The following KCNQ2 variants were observed in gnomAD, a reference collection of about 807,000 sequenced individuals.
KCNQ2 encodes potassium voltage-gated channel subfamily Q member 2.
A neutral mutation model predicts 84.8 loss-of-function variants in KCNQ2; 14 were observed. That is an observed-to-expected ratio of 0.17 (90% confidence interval 0.11 to 0.26). The LOEUF is 0.26. Ranked by LOEUF, KCNQ2 falls within the 10% of genes least tolerant of loss-of-function variation. The pLI, the probability that KCNQ2 is intolerant of heterozygous loss-of-function variation, is 1.00. For missense variants in KCNQ2, 788 were observed against 1,254.0 expected, an observed-to-expected ratio of 0.63 and a Z score of 5.61; for synonymous variants, 599 against 554.1, an observed-to-expected ratio of 1.08 and a Z score of -1.14.
In KCNQ2 at chr20:63,438,512, G is replaced by C; in HGVS notation, c.1023+113C>G. 1 of 855,778 alleles carries C rather than the reference G, an allele frequency of 1.2e-6. No homozygotes were observed. The highest frequency in any genetic ancestry group is 2.0e-6 in the Non-Finnish European group (1 of 503,432). 53.0% of individuals were successfully genotyped at this position (855,778 alleles called of 1,614,324 possible). A position where few individuals can be genotyped will look rare whatever the true frequency, so the allele number is the denominator to read the frequency against. ...CCACAGATTCCTGCAGAGGGTGAGC[G>C]CTGTGGCCCATCCACAGACAGGGCA... On this transcript the variant is annotated intron_variant, in intron 7 of 16. Transcript: ENST00000359125. This position sits in a 1 kb window ranked among gnomAD's most constrained non-coding sequence, Gnocchi z 5.1.
chr20:63,457,778 G>A (rs1038475862), intron 1 of KCNQ2, among the ~76,000 whole-genome samples: 14 of 152,326 alleles, frequency 9.2e-5, no homozygotes, highest in South Asian at 2.1e-4. Context: ...CCTTCGCCCC[G>A]GCCCAGAAAG....
At chr20:63,420,922 C>T (rs942430093) in intron 11 of KCNQ2, among the ~76,000 whole-genome samples, 9 of 152,288 alleles carry the variant, frequency 5.9e-5, no homozygotes, top group Admixed American at 2.6e-4. Context: ...AGGAGGGAGC[C>T]GGCTCCCTGC....
At chr20:63,412,626 C>T (rs974384361) in intron 15 of KCNQ2, among the ~76,000 whole-genome samples, 4 of 152,208 alleles carry the variant, frequency 2.6e-5, no homozygotes, top group Non-Finnish European at 5.9e-5. Context: ...GAGCTTCACT[C>T]CCACTGGAGG....
At chr20:63,437,398 T>C (rs960104877) in intron 7 of KCNQ2, 7 of 152,252 alleles carry the variant, frequency 4.6e-5, no homozygotes, top group African/African-American at 1.7e-4. Context: ...TTCTTAAAAC[T>C]CTTGCCTGGA....
chr20:63,442,734 C>T (rs1178591012), intron 4 of KCNQ2, among the ~76,000 whole-genome samples: 26 of 20,016 alleles, frequency 1.3e-3, no homozygotes, highest in South Asian at 3.7e-3. Flanking sequence ...ATCATCACCA[C>T]CTCCACCATC....
intron 12 of KCNQ2, among the ~76,000 whole-genome samples, chr20:63,416,647 A>G (rs933733921): frequency 6.6e-6 from 1 of 152,144 alleles, no homozygotes; most frequent in Non-Finnish European, 1.5e-5. Flanking sequence ...GAGGAAGCCC[A>G]GTGCCTCACG....
In KCNQ2 at chr20:63,472,613, G is replaced by A. The variant is rs554261385; in HGVS notation, c.-150C>T. On this transcript the variant is annotated 5_prime_UTR_variant, in exon 1 of 17. Transcript: ENST00000359125. ...CTCCTGCCGGGCTTGGGCCGCGCGC[G>A]GAGACGCTGCGGCCACCTCGCTCCG... is the stretch of plus-strand genomic sequence containing the variant. 7 of 517,242 alleles carry A rather than the reference G, an allele frequency of 1.4e-5. No individual in the cohort carries two copies. The highest frequency in any genetic ancestry group is 1.3e-4 in the African/African-American group (6 of 46,618). 32.0% of individuals were successfully genotyped at this position (517,242 alleles called of 1,614,324 possible). A position where few individuals can be genotyped will look rare whatever the true frequency, so the allele number is the denominator to read the frequency against.
At position 63,407,465 on chromosome 20, in the gene KCNQ2, G is replaced by A; in HGVS notation, c.1888-90C>T. The A allele has an allele frequency of 2.1e-6, 3 of 1,425,758 alleles. No homozygotes were observed. The highest frequency in any genetic ancestry group is 1.9e-6 in the Non-Finnish European group (2 of 1,046,184). 88.3% of individuals were successfully genotyped at this position (1,425,758 alleles called of 1,614,324 possible). A position where few individuals can be genotyped will look rare whatever the true frequency, so the allele number is the denominator to read the frequency against. On this transcript the variant is annotated intron_variant, in intron 16 of 16. Transcript: ENST00000359125. The surrounding 1 kb of genome is among the most constrained non-coding windows in gnomAD (Gnocchi z 7.2). ...GCTCCCAGGAAATGGGGGGGCCCAG[G>A]CTGGTTCCAGGAAACAGGAGAGACC...
Position 63,414,125 on chromosome 20 carries a change from G to C in KCNQ2, c.1594C>G (p.Leu532Val). The change falls in exon 14 of 17, where the codon CTG (leucine) becomes GTG (valine). Residue 532 changes from leucine (L) to valine (V), a missense_variant. By Grantham distance (32) the Leu-to-Val change is conservative. Transcript: ENST00000359125. This position sits in a 1 kb window ranked among gnomAD's most constrained non-coding sequence, Gnocchi z 6.6. The part of the protein sequence containing the change: ...SCPCEFVTED[L>V]TPGLKVSIRA... The stretch of plus-strand genomic sequence containing the variant: ...ATGCTGACTTTGAGGCCCGGGGTCA[G>C]GTCCTCGGTCACAAACTCGCAGGGG... The C allele has an allele frequency of 6.2e-7, 1 of 1,613,744 alleles. No homozygotes were observed. The highest frequency in any genetic ancestry group is 8.5e-7 in the Non-Finnish European group (1 of 1,179,942).
At position 63,405,032 on chromosome 20, in the gene KCNQ2, C is replaced by A. The variant is rs1455758391; in HGVS notation, c.*1612G>T. On this transcript the variant is annotated 3_prime_UTR_variant, in exon 17 of 17. Coordinates refer to ENST00000359125, the MANE Select transcript of KCNQ2 (RefSeq NM_172107.4). ...TCCCCGAACACCCTGAGCGCCAGGA[C>A]CCCCACCAGCCAGGGGCGTACGACC... 6.6e-6 allele frequency: 1 copy of A among 152,348 alleles called. No homozygotes were observed. Among genetic ancestry groups the A allele is most frequent in the Non-Finnish European group, 1.5e-5 (1 of 68,154 alleles). The allele number at this position is 152,348 out of a possible 1,614,324, so 9.4% of individuals were successfully genotyped here.
chr20:63,454,500 T>C (rs1279484966), intron 1 of KCNQ2, among the ~76,000 whole-genome samples: 1 of 152,156 alleles, frequency 6.6e-6, no homozygotes, highest in Non-Finnish European at 1.5e-5. Flanking sequence ...GCCTCGGCCG[T>C]GGCTCCAGGC....
At chr20:63,413,039 C>G (rs2080168577) in intron 15 of KCNQ2, among the ~76,000 whole-genome samples, 1 of 152,130 alleles carries the variant, frequency 6.6e-6, no homozygotes, top group South Asian at 2.1e-4. Flanking sequence ...ATTCCATCCC[C>G]AACACACATG....
At chr20:63,470,614 C>G (rs966610612) in intron 1 of KCNQ2, among the ~76,000 whole-genome samples, 3 of 152,208 alleles carry the variant, frequency 2.0e-5, no homozygotes, top group African/African-American at 7.2e-5. Context: ...CAAAGCAGAA[C>G]CAACCCTGGG....
intron 8 of KCNQ2, among the ~76,000 whole-genome samples, chr20:63,433,187 A>G (rs1392945681): frequency 1.3e-5 from 2 of 152,182 alleles, no homozygotes; most frequent in Non-Finnish European, 2.9e-5. Context: ...CCCTCCGACC[A>G]CACAGGCTCA....
chr20:63,468,599 C>T (rs760304121), intron 1 of KCNQ2, among the ~76,000 whole-genome samples: 6 of 152,224 alleles, frequency 3.9e-5, no homozygotes, highest in Non-Finnish European at 7.4e-5. Context: ...GAACATAGGC[C>T]CTCCGTCCCA....
chr20:63,417,679 GGCCCCACAGTCCGCAGGGAGTT>G (rs1376008902), intron 12 of KCNQ2, among the ~76,000 whole-genome samples: 2 of 152,260 alleles, frequency 1.3e-5, no homozygotes, highest in Non-Finnish European at 2.9e-5. Flanking sequence ...GGAAGGGTCA[GGCCCCACAGTCCGCAGGGAGTT>G]GCAGGAAGGG....
At chr20:63,445,388 C>T (rs2145780034) in intron 2 of KCNQ2, 24 bp from the exon 3 acceptor site, 1 of 1,612,370 alleles carries the variant, frequency 6.2e-7, no homozygotes, top group Non-Finnish European at 8.5e-7. Flanking sequence ...AAGCTGAGGC[C>T]ACCTTGAGGC....
chr20:63,419,371 G>A (rs2080396608), intron 12 of KCNQ2, among the ~76,000 whole-genome samples: 1 of 152,232 alleles, frequency 6.6e-6, no homozygotes, highest in African/African-American at 2.4e-5. Context: ...GCCCCTGGCT[G>A]GCCCCTCTGG....
In KCNQ2 at chr20:63,407,404, C is replaced by T. The variant is rs3746364; in HGVS notation, c.1888-29G>A. ...CAAAAGGGGCTGCTGGGCTGGGGTG[C>T]GAGGGCCCGTCCCAGGAGATGTGGG... On this transcript the variant is annotated intron_variant, in intron 16 of 16. Transcript: ENST00000359125. The surrounding 1 kb of genome is among the most constrained non-coding windows in gnomAD (Gnocchi z 7.2). The T allele has an allele frequency of 0.081, 128,185 of 1,575,882 alleles. 6,418 individuals are homozygous for T. Among genetic ancestry groups the T allele is most frequent in the East Asian group, 0.1 (4,441 of 44,256 alleles).
Sources: gnomAD v4.1 joint callset for allele counts (sites outside exome capture counted in the v4.1 genomes callset) on GRCh38, gnomAD v4.1.1 for gene constraint, Gnocchi (gnomAD v3.1) non-coding constraint, MANE v1.5 for transcripts, NCBI Gene and HGNC (gene_info 2026-07-23, HGNC 2026-07-21) for gene names.